The following SMARCB1 variants were observed in gnomAD, a reference collection of about 807,000 sequenced individuals.
SMARCB1 encodes the protein SWI/SNF related BAF chromatin remodeling complex subunit B1.
SMARCB1 carries 5 observed loss-of-function variants against 49.0 expected under a neutral mutation model. The observed-to-expected ratio is 0.10, with a 90% CI of 0.05 to 0.21. SMARCB1 has a LOEUF of 0.21. Ranked by LOEUF, SMARCB1 falls within the 10% of genes least tolerant of loss-of-function variation. The probability of loss-of-function intolerance (pLI) is 1.00; values close to 1 mark genes in which losing one functional copy is unlikely to be tolerated. For synonymous variants in SMARCB1, 201 were observed against 200.1 expected, an observed-to-expected ratio of 1.00 and a Z score of -0.04; for missense variants, 226 against 509.2, an observed-to-expected ratio of 0.44 and a Z score of 5.35.
At chr22:23,804,503 G>A (rs761319219) in intron 5 of SMARCB1, 4 of 151,890 alleles carry the variant, frequency 2.6e-5, no homozygotes, top group Admixed American at 6.6e-5. Flanking sequence ...AGCAAGTATC[G>A]TTTTATTTTT....
intron 6 of SMARCB1, chr22:23,824,842 C>T: frequency 2.9e-6 from 1 of 339,046 alleles, no homozygotes; most frequent in East Asian, 6.6e-5. Flanking sequence ...CTTAGGGATG[C>T]CTTAGCTGAG....
At chr22:23,825,816 A>C in intron 7 of SMARCB1, 1 of 209,174 alleles carries the variant, frequency 4.8e-6, no homozygotes, top group South Asian at 9.7e-5. Context: ...AACTTGAATT[A>C]TGTCTTAAAC....
chr22:23,805,008 TTGA>T (rs1165853639), intron 5 of SMARCB1, among the ~76,000 whole-genome samples: 1 of 152,218 alleles, frequency 6.6e-6, no homozygotes, highest in African/African-American at 2.4e-5. Context: ...TGAGTGGTTG[TTGA>T]TATGTGGCTG....
intron 5 of SMARCB1, 56 bp from the exon 6 acceptor site, chr22:23,816,714 G>A (rs1207304199): frequency 6.6e-7 from 1 of 1,513,568 alleles, no homozygotes; most frequent in African/African-American, 1.4e-5. Flanking sequence ...AGGGAGGCCG[G>A]TCCATGCCCA....
intron 3 of SMARCB1, among the ~76,000 whole-genome samples, chr22:23,798,844 A>T (rs1174047051): frequency 2.6e-5 from 4 of 152,044 alleles, no homozygotes; most frequent in African/African-American, 7.2e-5. Context: ...AGGTCAGGAG[A>T]TCGAGACCAT....
chr22:23,818,802 T>A (rs1368514680), intron 6 of SMARCB1: 1 of 152,680 alleles, frequency 6.5e-6, no homozygotes, highest in Non-Finnish European at 1.5e-5. Flanking sequence ...GTCTTCAAGG[T>A]TCATTTATGT....
At chr22:23,828,441 C>G (rs557032961) in intron 7 of SMARCB1, among the ~76,000 whole-genome samples, 3 of 151,856 alleles carry the variant, frequency 2.0e-5, no homozygotes, top group Admixed American at 6.6e-5. Context: ...GGCGGATCAC[C>G]TGAGGTCAGG....
At chr22:23,787,866 G>A (rs1263423960) in intron 1 of SMARCB1, among the ~76,000 whole-genome samples, 1 of 152,174 alleles carries the variant, frequency 6.6e-6, no homozygotes, top group Non-Finnish European at 1.5e-5. Flanking sequence ...GTTCTGAAGC[G>A]ATTGACACTT....
In SMARCB1 at chr22:23,834,510, T is replaced by C. The variant is rs1264687620; in HGVS notation, c.*330T>C. 3.9e-6 allele frequency: 2 copies of C among 507,828 alleles called. No homozygotes were observed. Among genetic ancestry groups the C allele is most frequent in the East Asian group, 3.0e-5 (1 of 33,198 alleles). 31.5% of individuals were successfully genotyped at this position (507,828 alleles called of 1,614,324 possible). A position where few individuals can be genotyped will look rare whatever the true frequency, so the allele number is the denominator to read the frequency against. On this transcript the variant is annotated 3_prime_UTR_variant, in exon 9 of 9. Transcript: ENST00000644036. ...AAAAGGCAACAGGTCATGTTCAATT[T>C]CTTCAACAGGTCATGTTCAATTTCT...
At chr22:23,824,784 G>C in intron 6 of SMARCB1, 1 of 221,102 alleles carries the variant, frequency 4.5e-6, no homozygotes, top group East Asian at 1.0e-4. Flanking sequence ...AGGGTTTTCC[G>C]AGAGGGGCAA....
At chr22:23,833,523 C>T (rs1227249916) in intron 7 of SMARCB1, 49 bp from the exon 8 acceptor site, 1 of 1,613,432 alleles carries the variant, frequency 6.2e-7, no homozygotes, top group South Asian at 1.1e-5. Context: ...GAGGATTCTC[C>T]ATCTATAGCT....
chr22:23,820,793 C>T (rs1442554603), intron 6 of SMARCB1, among the ~76,000 whole-genome samples: 13 of 152,128 alleles, frequency 8.5e-5, no homozygotes, highest in African/African-American at 2.9e-4. Flanking sequence ...GCAGCAAGCA[C>T]CTGGCCTGTG....
chr22:23,816,640 C>A (rs1358590789), intron 5 of SMARCB1, 130 bp from the exon 6 acceptor site: 1 of 670,782 alleles, frequency 1.5e-6, no homozygotes, highest in Non-Finnish European at 2.4e-6. Flanking sequence ...AGGAAGGCCA[C>A]CCCCAGTGCC....
rs116947949 is a variant in SMARCB1 at position 23,816,165 on chromosome 22, G to A, written c.629-605G>A. 667 of 162,410 alleles carry A rather than the reference G, an allele frequency of 4.1e-3. 2 individuals carry two copies. Among genetic ancestry groups the A allele is most frequent in the Non-Finnish European group, 6.6e-3 (485 of 73,346 alleles). 10.1% of individuals were successfully genotyped at this position (162,410 alleles called of 1,614,324 possible). On this transcript the variant is annotated intron_variant, in intron 5 of 8. Coordinates refer to ENST00000644036, the MANE Select transcript of SMARCB1 (RefSeq NM_003073.5). ...AGCAGGGAGAGAATGTTGACTGAGA[G>A]GACCTTGCTGAGGTCTGGCTGGCCA...
Position 23,836,878 on chromosome 22 carries a change from C to CG in SMARCB1, c.*2703dup. On this transcript the variant is annotated 3_prime_UTR_variant, in exon 9 of 9. Transcript: ENST00000644036. Reference sequence around the variant, plus strand: ...TGGCCCTGGGTGGGGGTCACTGCTGCGGGGGTGGCAGATGGGGTCCTGGCT... The same window carrying CG: ...TGGCCCTGGGTGGGGGTCACTGCTGCGGGGGGTGGCAGATGGGGTCCTGGCT... 3.4e-6 allele frequency: 5 copies of CG among 1,470,736 alleles called. No homozygotes were observed. In the South Asian group the frequency reaches 5.7e-5, roughly 17 times the overall value. 91.1% of individuals were successfully genotyped at this position (1,470,736 alleles called of 1,614,324 possible).
chr22:23,831,718 T>C (rs2030665407), intron 7 of SMARCB1, among the ~76,000 whole-genome samples: 1 of 152,140 alleles, frequency 6.6e-6, no homozygotes, highest in Non-Finnish European at 1.5e-5. Context: ...GGAAAACATG[T>C]TTTGCTCCCC....
chr22:23,800,905 C>G, intron 3 of SMARCB1, 39 bp from the exon 4 acceptor site: 1 of 1,485,938 alleles, frequency 6.7e-7, no homozygotes, highest in Admixed American at 1.7e-5. Context: ...GGATCAGGCT[C>G]CTATACTGAC....
intron 7 of SMARCB1, among the ~76,000 whole-genome samples, chr22:23,830,341 C>G (rs748080223): frequency 5.3e-5 from 8 of 152,158 alleles, no homozygotes; most frequent in Non-Finnish European, 8.8e-5. Context: ...TCGTAGCCGT[C>G]TGAGGAGGTG....
At position 23,836,607 on chromosome 22, in the gene SMARCB1, C is replaced by A; in HGVS notation, c.*2427C>A. The A allele has an allele frequency of 2.5e-6, 3 of 1,197,888 alleles. No individual in the cohort carries two copies. Among genetic ancestry groups the A allele is most frequent in the South Asian group, 4.0e-5 (1 of 24,810 alleles). The allele number at this position is 1,197,888 out of a possible 1,614,324, so 74.2% of individuals were successfully genotyped here. On this transcript the variant is annotated 3_prime_UTR_variant, in exon 9 of 9. Transcript: ENST00000644036. ...CAGGCAACCATGGGCAGTTTCTTTG[C>A]CCTCTGTGGGCACCCCTATCCTACC... is the stretch of plus-strand genomic sequence containing the variant.
Sources: allele counts gnomAD v4.1 joint callset (sites outside exome capture counted in the v4.1 genomes callset), GRCh38; gene constraint gnomAD v4.1.1; transcripts MANE v1.5; gene names NCBI Gene and HGNC (gene_info 2026-07-23, HGNC 2026-07-21).